STAG1: variants seen among roughly 807,000 people sequenced by gnomAD.
STAG1 encodes cohesin subunit SA-1.
In STAG1, 26 loss-of-function variants were observed where a neutral mutation model predicts 170.9. That is an observed-to-expected ratio of 0.15 (90% CI 0.11 to 0.21). The LOEUF (loss-of-function observed/expected upper bound fraction) is 0.21, where lower values mean the gene tolerates loss of function less well. Among genes scored for constraint, STAG1 ranks in the 10% least tolerant of loss-of-function variants. The probability of loss-of-function intolerance (pLI) is 1.00; values close to 1 mark genes in which losing one functional copy is unlikely to be tolerated. For missense variants in STAG1, 964 were observed against 1,509.5 expected, an observed-to-expected ratio of 0.64 and a Z score of 5.99; for synonymous variants, 514 against 497.7, an observed-to-expected ratio of 1.03 and a Z score of -0.44.
intron 3 of STAG1, among the ~76,000 whole-genome samples, chr3:136,607,406 T>A (rs1047304300): frequency 6.6e-6 from 1 of 152,204 alleles, no homozygotes; most frequent in African/African-American, 2.4e-5. Context: ...TTTGTTTTGT[T>A]TTGTTTTCTT....
chr3:136,368,882 G>T (rs535046042), intron 24 of STAG1, among the ~76,000 whole-genome samples: 1 of 152,128 alleles, frequency 6.6e-6, no homozygotes, highest in South Asian at 2.1e-4. Context: ...TAGAGACAAG[G>T]TCTCGCCATA....
At chr3:136,409,978 T>C (rs1398243835) in intron 21 of STAG1, among the ~76,000 whole-genome samples, 1 of 147,378 alleles carries the variant, frequency 6.8e-6, no homozygotes, top group Non-Finnish European at 1.5e-5. Context: ...CCCAGCTCCT[T>C]GGGAGGCTGA....
chr3:136,646,804 G>A (rs1941035575), intron 1 of STAG1, among the ~76,000 whole-genome samples: 1 of 152,054 alleles, frequency 6.6e-6, no homozygotes, highest in Non-Finnish European at 1.5e-5. Flanking sequence ...TACTCGGGAG[G>A]CTGAGTCAGG....
intron 1 of STAG1, among the ~76,000 whole-genome samples, chr3:136,710,348 T>A (rs563147848): frequency 6.6e-6 from 1 of 152,210 alleles, no homozygotes; most frequent in African/African-American, 2.4e-5. Flanking sequence ...TGTTTTATCA[T>A]TCTCTTCTCC....
At chr3:136,510,071 G>A (rs1933969712) in intron 7 of STAG1, among the ~76,000 whole-genome samples, 1 of 152,126 alleles carries the variant, frequency 6.6e-6, no homozygotes, top group Non-Finnish European at 1.5e-5. Context: ...AAGCAGTGTT[G>A]CAGTTCCACA....
intron 6 of STAG1, 56 bp from the exon 7 acceptor site, chr3:136,521,473 G>A (rs886374628): frequency 3.1e-5 from 47 of 1,518,596 alleles, no homozygotes; most frequent in African/African-American, 4.2e-5. Context: ...TTTGATGAAA[G>A]CTTTTTTTTT....
At chr3:136,373,935 G>C (rs1392738479) in intron 23 of STAG1, among the ~76,000 whole-genome samples, 2 of 152,144 alleles carry the variant, frequency 1.3e-5, no homozygotes, top group Non-Finnish European at 2.9e-5. Flanking sequence ...AATATTGACA[G>C]TGGGGTGTTA....
intron 4 of STAG1, among the ~76,000 whole-genome samples, chr3:136,589,440 GTTGCAGTGAGCCAAGACTGTGC>G (rs1346481503): frequency 6.6e-6 from 1 of 151,984 alleles, no homozygotes; most frequent in East Asian, 2.0e-4. Context: ...GGAGGCAGAG[GTTGCAGTGAGCCAAGACTGTGC>G]CACTGCACTC....
intron 14 of STAG1, among the ~76,000 whole-genome samples, chr3:136,447,270 C>T (rs1009139252): frequency 6.6e-6 from 1 of 151,648 alleles, no homozygotes; most frequent in Non-Finnish European, 1.5e-5. Context: ...AGCAAGAGAT[C>T]GAGACCATCT....
intron 1 of STAG1, among the ~76,000 whole-genome samples, chr3:136,697,498 C>T (rs1005334246): frequency 1.3e-5 from 2 of 152,128 alleles, no homozygotes; most frequent in Non-Finnish European, 2.9e-5. Context: ...GAGATCCAGC[C>T]ACCAGCATTT....
In STAG1 at chr3:136,604,316, G is replaced by A. The variant is rs1293574275; in HGVS notation, c.290C>T (p.Ala97Val). 6.2e-7 allele frequency: 1 copy of A among 1,603,688 alleles called. No individual in the cohort carries two copies. The change falls in exon 4 of 34, where the codon GCA (alanine) becomes GTA (valine). Residue 97 changes from alanine (A) to valine (V), a missense_variant. This residue lies in a region of STAG1 where 108 missense variants were observed against 120.2 expected (regional missense o/e 0.90). Transcript: ENST00000383202. ...TAAAAACTTAAAATTTACCTGCATT[G>A]CACTTTTCCCCAGTTTCACCACCTC... is the stretch of plus-strand genomic sequence containing the variant. ...LFEVVKLGKS[A>V]MQSVVDDWIE...
chr3:136,611,925 G>A (rs941317803), intron 3 of STAG1, among the ~76,000 whole-genome samples: 3 of 151,628 alleles, frequency 2.0e-5, no homozygotes, highest in African/African-American at 7.3e-5. Context: ...TCGGCTCACC[G>A]CAAGCTCCGC....
At chr3:136,559,891 A>G (rs896147121) in intron 5 of STAG1, among the ~76,000 whole-genome samples, 1 of 152,238 alleles carries the variant, frequency 6.6e-6, no homozygotes, top group Non-Finnish European at 1.5e-5. Flanking sequence ...TTAGTAAGTA[A>G]CTGCAGTTAT....
rs147669535 is a variant in STAG1 at position 136,492,734 on chromosome 3, C to T, written c.902+7489G>A. On this transcript the variant is annotated intron_variant, in intron 9 of 33. Coordinates refer to ENST00000383202, the MANE Select transcript of STAG1 (RefSeq NM_005862.3). Reference sequence around the variant, plus strand: ...TCCTTCAAACTGCAAGGGAATAACACGATACAATAACTAAATTCCACGGGA... The same window carrying T: ...TCCTTCAAACTGCAAGGGAATAACATGATACAATAACTAAATTCCACGGGA... 4.2e-3 allele frequency among the ~76,000 whole-genome samples: 637 copies of T among 152,082 alleles called. 3 individuals are homozygous for T. Among genetic ancestry groups the T allele is most frequent in the Admixed American group, 7.8e-3 (119 of 15,278 alleles).
chr3:136,465,425 T>A (rs1429158422), intron 12 of STAG1, among the ~76,000 whole-genome samples: 1 of 151,678 alleles, frequency 6.6e-6, no homozygotes, highest in South Asian at 2.1e-4. Flanking sequence ...TTCGTCATGT[T>A]AGGCAGACTG....
intron 1 of STAG1, among the ~76,000 whole-genome samples, chr3:136,705,335 AATACATGAT>A (rs1576788932): frequency 6.6e-6 from 1 of 152,130 alleles, no homozygotes; most frequent in East Asian, 1.9e-4. Context: ...CAATCAATGT[AATACATGAT>A]ATTAACAGAA....
At chr3:136,544,083 C>A (rs529620157) in intron 5 of STAG1, among the ~76,000 whole-genome samples, 1 of 152,170 alleles carries the variant, frequency 6.6e-6, no homozygotes. Context: ...ATCACCTAGA[C>A]CTATAGCATC....
At chr3:136,538,795 G>C (rs145325755) in intron 6 of STAG1, among the ~76,000 whole-genome samples, 96 of 152,268 alleles carry the variant, frequency 6.3e-4, no homozygotes, top group African/African-American at 2.3e-3. Context: ...ATGGTGAAGA[G>C]AGAGGAGGCT....
intron 13 of STAG1, among the ~76,000 whole-genome samples, chr3:136,453,275 G>C (rs180788254): frequency 6.6e-6 from 1 of 152,100 alleles, no homozygotes; most frequent in Admixed American, 6.5e-5. Flanking sequence ...AATTTGTTTA[G>C]ATTTATTCTA....
Sources: allele counts gnomAD v4.1 joint callset (sites outside exome capture counted in the v4.1 genomes callset), GRCh38; gene constraint gnomAD v4.1.1; regional missense constraint gnomAD v4.1.1; transcripts MANE v1.5; gene names NCBI Gene and HGNC (gene_info 2026-07-23, HGNC 2026-07-21).